The following KANSL1 variants were observed in gnomAD, a reference collection of about 807,000 sequenced individuals.
KANSL1 encodes the protein MLL1/MLL complex subunit KANSL1.
KANSL1 carries 22 observed loss-of-function variants against 103.6 expected under a neutral mutation model. That is an observed-to-expected ratio of 0.21 (90% CI 0.15 to 0.30). The LOEUF (loss-of-function observed/expected upper bound fraction) is 0.30, where lower values mean the gene tolerates loss of function less well. KANSL1 is among the 10% of genes least tolerant of loss of function. KANSL1 has a pLI of 1.00. For missense variants in KANSL1, 1,337 were observed against 1,399.8 expected (o/e 0.96, Z 0.72); for synonymous variants, 600 against 527.6 (o/e 1.14, Z -1.88).
chr17:46,160,142 C>T (rs1315508634), intron 2 of KANSL1, among the ~76,000 whole-genome samples: 1 of 152,222 alleles, frequency 6.6e-6, no homozygotes, highest in Non-Finnish European at 1.5e-5. Context: ...GTATCATCAT[C>T]ATATGGAAGA....
Position 46,034,059 on chromosome 17 carries a change from CAGAACCAAAGACT to C in KANSL1, c.2666+89_2666+101del, listed in dbSNP as rs2077083369. On this transcript the variant is annotated intron_variant, in intron 11 of 14. Transcript: ENST00000432791. ...ATAAGAATTTCTCTTAATGAGAAGACAGAACCAAAGACTAGGGCCCAACTCTTGGTCAGAAGAG... is the reference window on the plus strand; with the variant it reads ...ATAAGAATTTCTCTTAATGAGAAGACAGGGCCCAACTCTTGGTCAGAAGAG... 3 of 1,394,854 alleles carry C rather than the reference CAGAACCAAAGACT, an allele frequency of 2.2e-6. No homozygotes were observed. The East Asian group carries it at 7.3e-5, about 34-fold the overall frequency. 86.4% of individuals were successfully genotyped at this position (1,394,854 alleles called of 1,614,324 possible).
Position 46,171,898 on chromosome 17 carries a change from A to C in KANSL1, c.246T>G (p.Tyr82Ter). ...GAACAGATGTTACATCAGAGCAGAG[A>C]TAAGATGCCACCAGTGGTTGCAGCT... Reference protein sequence around the residue: ...LGKLQPLVASYLCSDVTSVPS... With the variant: ...LGKLQPLVAS Residue 82 changes from tyrosine to a stop codon, truncating the protein, a stop_gained, in exon 2 of 15, where the codon TAT becomes TAG. Transcript: ENST00000432791. LOFTEE classifies it high-confidence loss of function. 6.2e-7 allele frequency: 1 copy of C among 1,614,272 alleles called. No homozygotes were observed. Among genetic ancestry groups the C allele is most frequent in the Non-Finnish European group, 8.5e-7 (1 of 1,180,046 alleles).
At chr17:46,205,677 TC>T (rs1427992287) in intron 1 of KANSL1, among the ~76,000 whole-genome samples, 1 of 94,874 alleles carries the variant, frequency 1.1e-5, no homozygotes, top group Non-Finnish European at 2.6e-5. Context: ...TGAGACACTG[TC>T]TCAAAAAAAA....
chr17:46,120,234 A>G (rs867204866), intron 2 of KANSL1, among the ~76,000 whole-genome samples: 44 of 152,356 alleles, frequency 2.9e-4, no homozygotes, highest in Admixed American at 2.0e-4. Flanking sequence ...CTGTTGAGGT[A>G]TATCAACATA....
intron 2 of KANSL1, among the ~76,000 whole-genome samples, chr17:46,135,928 T>C (rs1283930959): frequency 6.6e-6 from 1 of 152,154 alleles, no homozygotes; most frequent in Non-Finnish European, 1.5e-5. Flanking sequence ...TCTTAATGTA[T>C]CTATTTGATT....
chr17:46,094,686 T>C lies in KANSL1; in HGVS notation c.1305A>G (p.Glu435=), dbSNP rs532980212. 5 of 1,614,206 alleles carry C rather than the reference T, an allele frequency of 3.1e-6. No homozygotes were observed. The highest frequency in any genetic ancestry group is 1.7e-5 in the Admixed American group (1 of 60,028). ...QRHVPLRRRS[E]WKWAADRAAI... ...CTGCCCGGTCTGCAGCCCATTTCCA[T>C]TCTGACCTGCGTCTCCTAAAAGGAA... The change falls in exon 3 of 15, where the codon GAA becomes GAG. Residue 435 remains glutamate (E), a synonymous_variant. Coordinates refer to ENST00000432791, the MANE Select transcript of KANSL1 (RefSeq NM_015443.4).
chr17:46,069,424 G>A (rs1333053593), intron 4 of KANSL1, among the ~76,000 whole-genome samples: 1 of 152,136 alleles, frequency 6.6e-6, no homozygotes, highest in Non-Finnish European at 1.5e-5. Context: ...GACTGAACCT[G>A]AAAGTAGTCC....
chr17:46,210,716 C>T (rs1368559615), intron 1 of KANSL1, among the ~76,000 whole-genome samples: 1 of 151,992 alleles, frequency 6.6e-6, no homozygotes, highest in African/African-American at 2.4e-5. Context: ...GATGAGATTC[C>T]TAATAATGAA....
intron 6 of KANSL1, among the ~76,000 whole-genome samples, chr17:46,060,310 A>T (rs62060790): frequency 0.14 from 21,738 of 152,182 alleles, 2,101 homozygotes; most frequent in Non-Finnish European, 0.22. Context: ...AAGATTTTCA[A>T]AGGTTTGGCA....
chr17:46,031,666 G>A lies in KANSL1; in HGVS notation c.3128C>T (p.Ala1043Val), dbSNP rs1194713411. Residue 1043 changes from alanine (A) to valine (V), a missense_variant, in exon 15 of 15, where the codon GCG becomes GTG. Ala to Val is a moderately conservative substitution (Grantham distance 64). Coordinates refer to ENST00000432791, the MANE Select transcript of KANSL1 (RefSeq NM_015443.4). ...QPWERRTFPL[A>V]HSPQAECEDQ... ...CTCACACTCCGCCTGGGGACTGTGC[G>A]CCAGGGGGAAGGTCCGCCGCTCCCA... 21 of 1,610,534 alleles carry A rather than the reference G, an allele frequency of 1.3e-5. No individual in the cohort carries two copies. Among genetic ancestry groups the A allele is most frequent in the African/African-American group, 2.7e-5 (2 of 74,882 alleles).
intron 1 of KANSL1, among the ~76,000 whole-genome samples, chr17:46,200,701 C>T (rs2047772842): frequency 6.6e-6 from 1 of 152,068 alleles, no homozygotes; most frequent in Admixed American, 6.5e-5. Flanking sequence ...GAGATCACGC[C>T]AGTGCACTCC....
chr17:46,183,233 G>C (rs572563025), intron 1 of KANSL1, among the ~76,000 whole-genome samples: 1 of 152,190 alleles, frequency 6.6e-6, no homozygotes, highest in Non-Finnish European at 1.5e-5. Flanking sequence ...GCCAGCCTAG[G>C]CAACATAGCC....
At chr17:46,095,483 A>T (rs943843320) in intron 2 of KANSL1, among the ~76,000 whole-genome samples, 27 of 152,226 alleles carry the variant, frequency 1.8e-4, no homozygotes, top group Admixed American at 1.4e-3. Context: ...GGAAATTTTT[A>T]AAAAATCAGA....
intron 1 of KANSL1, among the ~76,000 whole-genome samples, chr17:46,213,027 A>C (rs1165522873): frequency 6.6e-6 from 1 of 152,202 alleles, no homozygotes; most frequent in East Asian, 1.9e-4. Context: ...TTGGCCGACA[A>C]ACTTTCTGTG....
chr17:46,223,916 T>C (rs1210426931), upstream of KANSL1: 1 of 150,834 alleles, frequency 6.6e-6, no homozygotes, highest in Non-Finnish European at 1.5e-5. Context: ...ACTAAAAAAG[T>C]ATAGAAAATA....
chr17:46,060,895 C>T (rs535829392), intron 6 of KANSL1, among the ~76,000 whole-genome samples: 12 of 152,262 alleles, frequency 7.9e-5, no homozygotes, highest in African/African-American at 2.9e-4. Context: ...TCTATGGAAG[C>T]CAGCTTTAAA....
chr17:46,191,890 G>A (rs2047347183), intron 1 of KANSL1, among the ~76,000 whole-genome samples: 1 of 151,824 alleles, frequency 6.6e-6, no homozygotes, highest in Admixed American at 6.6e-5. Flanking sequence ...CAGTCGGTCT[G>A]CCGACCCTAG....
chr17:46,130,598 T>A (rs1167225928), intron 2 of KANSL1, among the ~76,000 whole-genome samples: 1 of 152,208 alleles, frequency 6.6e-6, no homozygotes, highest in African/African-American at 2.4e-5. Flanking sequence ...CCCCACCACA[T>A]TCCTTCCCAA....
In KANSL1 at chr17:46,172,047, T is replaced by C. The variant is rs2046316815; in HGVS notation, c.97A>G (p.Ser33Gly). The part of the protein sequence containing the change: ...APPSSTLSPG[S>G]AENNGNANIL... ...TTGGCGTTGCCGTTATTTTCGGCAC[T>C]GCCAGGGGACAAGGTAGAGGATGGG... Residue 33 changes from serine (S) to glycine (G), a missense_variant, in exon 2 of 15, where the codon AGT becomes GGT. By Grantham distance (56) the Ser-to-Gly change is moderately conservative. Coordinates refer to ENST00000432791, the MANE Select transcript of KANSL1 (RefSeq NM_015443.4). 6.2e-7 allele frequency: 1 copy of C among 1,614,128 alleles called. No homozygotes were observed. The highest frequency in any genetic ancestry group is 1.3e-5 in the African/African-American group (1 of 74,952).
Sources: allele counts gnomAD v4.1 joint callset (sites outside exome capture counted in the v4.1 genomes callset), GRCh38; gene constraint gnomAD v4.1.1; transcripts MANE v1.5; gene names NCBI Gene and HGNC (gene_info 2026-07-23, HGNC 2026-07-21).